SHANK2: variants seen among roughly 807,000 people sequenced by gnomAD.
SHANK2 encodes SH3 and multiple ankyrin repeat domains 2.
A neutral mutation model predicts 133.7 loss-of-function variants in SHANK2; 43 were observed. That is an observed-to-expected ratio of 0.32 (90% CI 0.25 to 0.41). SHANK2 has a LOEUF of 0.41. SHANK2 is among the 10% of genes least tolerant of loss of function. The pLI is 1.00. For missense variants in SHANK2, 1,994 were observed against 2,235.8 expected (o/e 0.89, Z 2.18); for synonymous variants, 1,017 against 952.8 (o/e 1.07, Z -1.24).
intron 14 of SHANK2, among the ~76,000 whole-genome samples, chr11:70,725,443 C>T (rs772799332): frequency 9.2e-5 from 14 of 152,294 alleles, no homozygotes; most frequent in Non-Finnish European, 1.8e-4. Flanking sequence ...GGCCCAGACC[C>T]GCTCCTCCCA....
intron 14 of SHANK2, among the ~76,000 whole-genome samples, chr11:70,699,380 T>G (rs868965046): frequency 2.4e-4 from 36 of 152,094 alleles, no homozygotes; most frequent in African/African-American, 7.5e-4. Context: ...ATTTAATGGA[T>G]AGCTCAGTGC....
intron 11 of SHANK2, among the ~76,000 whole-genome samples, chr11:70,839,378 G>A (rs1417761180): frequency 2.0e-5 from 3 of 152,180 alleles, no homozygotes; most frequent in Non-Finnish European, 4.4e-5. Flanking sequence ...TCCACAGCCC[G>A]TGGTATCCGG....
At chr11:70,640,206 A>C (rs2061158584) in intron 17 of SHANK2, among the ~76,000 whole-genome samples, 1 of 152,232 alleles carries the variant, frequency 6.6e-6, no homozygotes, top group African/African-American at 2.4e-5. Context: ...AATTAAGTTA[A>C]GGACCTTGAG....
chr11:70,867,051 T>C (rs555309053), intron 11 of SHANK2, among the ~76,000 whole-genome samples: 3 of 147,618 alleles, frequency 2.0e-5, no homozygotes, highest in Admixed American at 6.9e-5. Flanking sequence ...GACACCACCA[T>C]GGACAGCACA....
chr11:71,214,568 T>C (rs1361053142), intron 2 of SHANK2, among the ~76,000 whole-genome samples: 10 of 152,194 alleles, frequency 6.6e-5, no homozygotes, highest in African/African-American at 2.4e-4. Context: ...GCCTGCTAGG[T>C]TGGGAGACTA....
At position 70,473,212 on chromosome 11, in the gene SHANK2, G is replaced by A. The variant is rs782309830; in HGVS notation, c.5207C>T (p.Ala1736Val). 8 of 1,611,126 alleles carry A rather than the reference G, an allele frequency of 5.0e-6. No homozygotes were observed. In the Admixed American group the frequency reaches 5.0e-5, roughly 10 times the overall value. Reference protein sequence around the residue: ...LSAATASPSPALSDVFSLPSQ... With the variant: ...LSAATASPSPVLSDVFSLPSQ... ...TGGAAGGCTAAAGACATCTGAGAGAGCGGGAGAAGGAGAGGCGGTGGCAGC... is the reference window on the plus strand; with the variant it reads ...TGGAAGGCTAAAGACATCTGAGAGAACGGGAGAAGGAGAGGCGGTGGCAGC... Residue 1736 changes from alanine (A) to valine (V), a missense_variant, in exon 26 of 26, where the codon GCT becomes GTT. By Grantham distance (64) the Ala-to-Val change is moderately conservative. Coordinates refer to ENST00000601538, the MANE Select transcript of SHANK2 (RefSeq NM_012309.5). The surrounding 1 kb of genome is among the most constrained non-coding windows in gnomAD (Gnocchi z 5.9).
chr11:70,867,271 G>A (rs1474782464), intron 11 of SHANK2, among the ~76,000 whole-genome samples: 2 of 152,198 alleles, frequency 1.3e-5, no homozygotes, highest in African/African-American at 2.4e-5. Flanking sequence ...GTGGAAGGAC[G>A]CTCTTGTCCG....
At position 70,739,187 on chromosome 11, in the gene SHANK2, A is replaced by C. The variant is rs1199272479; in HGVS notation, c.1778-40424T>G. Among the ~76,000 whole-genome samples the C allele has an allele frequency of 1.3e-5, 2 of 152,148 alleles. No homozygotes were observed. The highest frequency in any genetic ancestry group is 6.5e-5 in the Admixed American group (1 of 15,288). On this transcript the variant is annotated intron_variant, in intron 14 of 25. Coordinates refer to ENST00000601538, the MANE Select transcript of SHANK2 (RefSeq NM_012309.5). This position sits in a 1 kb window ranked among gnomAD's most constrained non-coding sequence, Gnocchi z 4.3. Reference sequence around the variant, plus strand: ...GCCTGACCCACCAGCAACCAACTGAACCTCAGCCAGAGGGCCTGATGGTGG... The same window carrying C: ...GCCTGACCCACCAGCAACCAACTGACCCTCAGCCAGAGGGCCTGATGGTGG...
chr11:70,806,741 G>A (rs1948169471), intron 13 of SHANK2, among the ~76,000 whole-genome samples: 1 of 152,164 alleles, frequency 6.6e-6, no homozygotes, highest in East Asian at 1.9e-4. Flanking sequence ...CTCCCCCACT[G>A]CCCTTCTCAA....
chr11:70,920,836 C>T (rs995754969), intron 10 of SHANK2, among the ~76,000 whole-genome samples: 8 of 152,092 alleles, frequency 5.3e-5, no homozygotes, highest in South Asian at 2.1e-4. Flanking sequence ...TAGCTGAAGG[C>T]GATACAGATG....
At chr11:70,585,546 T>G (rs1435402867) in intron 17 of SHANK2, among the ~76,000 whole-genome samples, 1 of 152,208 alleles carries the variant, frequency 6.6e-6, no homozygotes, top group African/African-American at 2.4e-5. Flanking sequence ...CTTGCTTTTA[T>G]CCAGACATCC....
chr11:70,561,894 T>G (rs1043081840), intron 17 of SHANK2, among the ~76,000 whole-genome samples: 2 of 152,214 alleles, frequency 1.3e-5, no homozygotes, highest in Non-Finnish European at 2.9e-5. Context: ...GCTGAAGCAG[T>G]GATCTGAGGC....
At chr11:70,838,970 T>C (rs1194234192) in intron 11 of SHANK2, among the ~76,000 whole-genome samples, 1 of 152,222 alleles carries the variant, frequency 6.6e-6, no homozygotes, top group Non-Finnish European at 1.5e-5. Flanking sequence ...TCTAGTTCTG[T>C]CTGCTTTTGG....
At chr11:70,597,848 G>A (rs1554989896) in intron 17 of SHANK2, among the ~76,000 whole-genome samples, 1 of 152,174 alleles carries the variant, frequency 6.6e-6, no homozygotes, top group Admixed American at 6.5e-5. Flanking sequence ...ACTCGAGCCT[G>A]TGCGACAAAG....
chr11:70,839,027 A>T (rs933808920), intron 11 of SHANK2, among the ~76,000 whole-genome samples: 29 of 152,170 alleles, frequency 1.9e-4, no homozygotes, highest in African/African-American at 4.8e-4. Context: ...TTTATATAGA[A>T]TTTGTCCCGC....
chr11:70,487,862 G>A lies in SHANK2; in HGVS notation c.2573-142C>T, dbSNP rs943574343. The A allele has an allele frequency of 1.7e-5, 25 of 1,496,566 alleles. No homozygotes were observed. In the African/African-American group the frequency reaches 2.4e-4, roughly 14 times the overall value. 92.7% of individuals were successfully genotyped at this position (1,496,566 alleles called of 1,614,324 possible). On this transcript the variant is annotated intron_variant, in intron 24 of 25. Coordinates refer to ENST00000601538, the MANE Select transcript of SHANK2 (RefSeq NM_012309.5). This position sits in a 1 kb window ranked among gnomAD's most constrained non-coding sequence, Gnocchi z 5.8. ...GTTCAGGAAACACAGCACAAGCCAC[G>A]ATGCCGAGTGGTTAGTCACATGGCC...
intron 17 of SHANK2, among the ~76,000 whole-genome samples, chr11:70,553,774 G>A (rs1039260456): frequency 1.7e-4 from 26 of 152,224 alleles, no homozygotes; most frequent in African/African-American, 5.8e-4. Context: ...GATGATCTGC[G>A]TGACATAGGG....
chr11:70,489,011 G>C (rs969531395), intron 24 of SHANK2: 14 of 370,768 alleles, frequency 3.8e-5, no homozygotes, highest in Non-Finnish European at 6.6e-5. Context: ...GGGATTTCAT[G>C]TTGGGAGCAT....
At chr11:70,798,700 C>A (rs1947975502) in intron 13 of SHANK2, 144 bp from the exon 14 acceptor site, 1 of 627,932 alleles carries the variant, frequency 1.6e-6, no homozygotes, top group East Asian at 2.8e-5. Flanking sequence ...GGTGTGACTG[C>A]ACTTCCTTCA....
Sources: gnomAD v4.1 joint callset for allele counts (sites outside exome capture counted in the v4.1 genomes callset) on GRCh38, gnomAD v4.1.1 for gene constraint, Gnocchi (gnomAD v3.1) non-coding constraint, MANE v1.5 for transcripts, NCBI Gene and HGNC (gene_info 2026-07-23, HGNC 2026-07-21) for gene names.